CHGB: variants seen among roughly 807,000 people sequenced by gnomAD.
CHGB encodes secretogranin-1.
Under a neutral mutation model 69.9 loss-of-function variants are expected in CHGB, and 46 were observed. The observed-to-expected ratio is 0.66, with a 90% CI of 0.52 to 0.84. The LOEUF (loss-of-function observed/expected upper bound fraction) is 0.84, where lower values mean the gene tolerates loss of function less well. CHGB is among the 40% of genes least tolerant of loss of function. The pLI is 0.00. For missense variants in CHGB, 796 were observed against 822.2 expected (o/e 0.97, Z 0.39); for synonymous variants, 312 against 298.2 (o/e 1.05, Z -0.48).
At chr20:5,915,112 G>A (rs904218411) in intron 1 of CHGB, among the ~76,000 whole-genome samples, 2 of 152,176 alleles carry the variant, frequency 1.3e-5, no homozygotes, top group Middle Eastern at 3.2e-3. Flanking sequence ...CCTGCTACAG[G>A]AATGCCAGGA....
chr20:5,912,257 A>G (rs1305622950), intron 1 of CHGB, among the ~76,000 whole-genome samples: 2 of 152,126 alleles, frequency 1.3e-5, no homozygotes, highest in African/African-American at 4.8e-5. Context: ...TGTATGTACA[A>G]GTTTAATATA....
At chr20:5,917,265 G>T (rs896987147) in intron 3 of CHGB, 6 of 227,500 alleles carry the variant, frequency 2.6e-5, no homozygotes, top group Admixed American at 1.0e-4. Flanking sequence ...GGGTGGAGGG[G>T]GTTTGGGAAA....
chr20:5,920,990 T>C (rs1268601900), intron 3 of CHGB, among the ~76,000 whole-genome samples: 1 of 152,208 alleles, frequency 6.6e-6, no homozygotes. Flanking sequence ...AAATAACTTA[T>C]CAGTGCCACC....
chr20:5,924,619 G>T (rs967054847), intron 4 of CHGB, among the ~76,000 whole-genome samples: 1 of 152,108 alleles, frequency 6.6e-6, no homozygotes, highest in Non-Finnish European at 1.5e-5. Flanking sequence ...ATTTGTATCT[G>T]GGAGAGGTAA....
At chr20:5,918,509 A>G (rs1477778425) in intron 3 of CHGB, among the ~76,000 whole-genome samples, 1 of 151,984 alleles carries the variant, frequency 6.6e-6, no homozygotes, top group African/African-American at 2.4e-5. Context: ...GCAAATAGTG[A>G]TTGGCCAAAA....
chr20:5,912,503 T>C (rs1212385786), intron 1 of CHGB, among the ~76,000 whole-genome samples: 1 of 152,064 alleles, frequency 6.6e-6, no homozygotes, highest in Non-Finnish European at 1.5e-5. Context: ...AAAAATGTTT[T>C]AGCCAATTTA....
intron 3 of CHGB, among the ~76,000 whole-genome samples, chr20:5,920,085 A>T (rs960210941): frequency 6.6e-6 from 1 of 152,240 alleles, no homozygotes; most frequent in East Asian, 1.9e-4. Flanking sequence ...ACAGCTTGAC[A>T]GTGAGTGTGT....
At position 5,911,788 on chromosome 20, in the gene CHGB, G is replaced by C. The variant is rs2088448563; in HGVS notation, c.49+106G>C. 4.6e-6 allele frequency: 5 copies of C among 1,087,790 alleles called. No individual in the cohort carries two copies. The African/African-American group carries it at 5.0e-5, about 11-fold the overall frequency. 67.4% of individuals were successfully genotyped at this position (1,087,790 alleles called of 1,614,324 possible). A position where few individuals can be genotyped will look rare whatever the true frequency, so the allele number is the denominator to read the frequency against. The stretch of plus-strand genomic sequence containing the variant: ...CGGATCCCGGGAGAGAGGGAGGGTT[G>C]AGGGGAAGGTTTACCTCTTGCTTCG... On this transcript the variant is annotated intron_variant, in intron 1 of 4. Coordinates refer to ENST00000378961, the MANE Select transcript of CHGB (RefSeq NM_001819.3).
At chr20:5,920,410 CA>C (rs1327464920) in intron 3 of CHGB, among the ~76,000 whole-genome samples, 1 of 152,076 alleles carries the variant, frequency 6.6e-6, no homozygotes, top group Non-Finnish European at 1.5e-5. Flanking sequence ...ATGGCTTAAA[CA>C]ACTAACATTT....
Position 5,923,123 on chromosome 20 carries a change from C to G in CHGB, c.979C>G (p.His327Asp), listed in dbSNP as rs1348759743. 1 of 1,614,080 alleles carries G rather than the reference C, an allele frequency of 6.2e-7. No homozygotes were observed. Among genetic ancestry groups the G allele is most frequent in the East Asian group, 2.2e-5 (1 of 44,872 alleles). The change falls in exon 4 of 5, where the codon CAC becomes GAC. Residue 327 changes from histidine (H) to aspartate (D), a missense_variant. His to Asp is a moderately conservative substitution (Grantham distance 81). This residue lies in a region of CHGB where 518 missense variants were observed against 506.3 expected (regional missense o/e 1.02). Coordinates refer to ENST00000378961, the MANE Select transcript of CHGB (RefSeq NM_001819.3). ...SMASLGEKRD[H>D]HSTHYRASEE... ...GGCCAGTTTAGGGGAAAAGAGGGAC[C>G]ACCATTCAACCCACTACAGGGCTTC... is the stretch of plus-strand genomic sequence containing the variant.
At chr20:5,914,024 T>G (rs2088462027) in intron 1 of CHGB, among the ~76,000 whole-genome samples, 1 of 152,234 alleles carries the variant, frequency 6.6e-6, no homozygotes, top group African/African-American at 2.4e-5. Flanking sequence ...TATTAGATAT[T>G]AATACATCAG....
chr20:5,911,776 A>G (rs2088448422), intron 1 of CHGB, 94 bp downstream of exon 1: 1 of 1,198,436 alleles, frequency 8.3e-7, no homozygotes, highest in South Asian at 1.8e-5. Flanking sequence ...ATCCCGGGAG[A>G]GAGGGAGGGT....
Position 5,917,686 on chromosome 20 carries a change from G to T in CHGB, c.190+767G>T, listed in dbSNP as rs369084590. On this transcript the variant is annotated intron_variant, in intron 3 of 4. Transcript: ENST00000378961. Reference sequence around the variant, plus strand: ...AGTACCCATTGGAAATTGACATTATGAGGTCAATTTTACAAAACTATGCAG... The same window carrying T: ...AGTACCCATTGGAAATTGACATTATTAGGTCAATTTTACAAAACTATGCAG... The T allele has an allele frequency of 5.4e-4, 83 of 152,320 alleles. 1 individual carries two copies. Among genetic ancestry groups the T allele is most frequent in the African/African-American group, 1.8e-3 (73 of 41,548 alleles). 9.4% of individuals were successfully genotyped at this position (152,320 alleles called of 1,614,324 possible). A position where few individuals can be genotyped will look rare whatever the true frequency, so the allele number is the denominator to read the frequency against.
At position 5,911,755 on chromosome 20, in the gene CHGB, C is replaced by G. The variant is rs2088448244; in HGVS notation, c.49+73C>G. 2.3e-6 allele frequency: 3 copies of G among 1,310,902 alleles called. No homozygotes were observed. In the South Asian group the frequency reaches 5.1e-5, roughly 22 times the overall value. The allele number at this position is 1,310,902 out of a possible 1,614,324, so 81.2% of individuals were successfully genotyped here. ...CGCTCTTCCCCGCCGCTCCCGCAGCCAGGCTGGCGGATCCCGGGAGAGAGG... is the reference window on the plus strand; with the variant it reads ...CGCTCTTCCCCGCCGCTCCCGCAGCGAGGCTGGCGGATCCCGGGAGAGAGG... On this transcript the variant is annotated intron_variant, in intron 1 of 4. Transcript: ENST00000378961.
At chr20:5,924,692 G>A (rs545751718) in intron 4 of CHGB, among the ~76,000 whole-genome samples, 2 of 152,134 alleles carry the variant, frequency 1.3e-5, no homozygotes, top group African/African-American at 2.4e-5. Context: ...ATGTAGGTTG[G>A]TGCTTCTCAA....
At position 5,922,315 on chromosome 20, in the gene CHGB, A is replaced by C. The variant is rs1339361006; in HGVS notation, c.191-20A>C. 6.6e-7 allele frequency: 1 copy of C among 1,513,042 alleles called. No homozygotes were observed. The allele number at this position is 1,513,042 out of a possible 1,614,324, so 93.7% of individuals were successfully genotyped here. On this transcript the variant is annotated intron_variant, in intron 3 of 4. Transcript: ENST00000378961. ...CACAAGCAATTCTGAAATTATACCT[A>C]CTCTTCATTTTCATTATAGGTAGAA...
chr20:5,925,235 T>A lies in CHGB; in HGVS notation c.*186T>A. On this transcript the variant is annotated 3_prime_UTR_variant, in exon 5 of 5. Transcript: ENST00000378961. ...AATGCTATTGAAAATGTGAATTGCA[T>A]GACTTGTAGCATATTCTTTTCTGCA... is the stretch of plus-strand genomic sequence containing the variant. 2.0e-6 allele frequency: 1 copy of A among 489,312 alleles called. No homozygotes were observed. Among genetic ancestry groups the A allele is most frequent in the Non-Finnish European group, 3.7e-6 (1 of 273,474 alleles). The allele number at this position is 489,312 out of a possible 1,614,324, so 30.3% of individuals were successfully genotyped here.
chr20:5,913,526 T>C (rs1780435835), intron 1 of CHGB, among the ~76,000 whole-genome samples: 1 of 152,286 alleles, frequency 6.6e-6, no homozygotes, highest in Middle Eastern at 3.4e-3. Flanking sequence ...ATGGAAGCTA[T>C]TGTGCACTCT....
intron 2 of CHGB, 147 bp downstream of exon 2, chr20:5,916,519 C>G: frequency 1.4e-6 from 1 of 737,574 alleles, no homozygotes; most frequent in Non-Finnish European, 2.3e-6. Flanking sequence ...AAGGGATGCC[C>G]CTCCTGCACT....
Sources: gnomAD v4.1 joint callset for allele counts (sites outside exome capture counted in the v4.1 genomes callset) on GRCh38, gnomAD v4.1.1 for gene constraint, gnomAD v4.1.1 regional missense constraint, MANE v1.5 for transcripts, NCBI Gene and HGNC (gene_info 2026-07-23, HGNC 2026-07-21) for gene names.